The following ABCA13 variants were observed in gnomAD, a reference collection of about 807,000 sequenced individuals.
ABCA13 encodes ATP-binding cassette sub-family A member 13.
ABCA13 carries 476 observed loss-of-function variants against 478.7 expected under a neutral mutation model. The ratio of observed to expected loss-of-function variants is 0.99; its 90% confidence interval spans 0.92 to 1.07. The LOEUF (loss-of-function observed/expected upper bound fraction) is 1.07, where lower values mean the gene tolerates loss of function less well. ABCA13 is among the 50% of genes least tolerant of loss of function. The probability of loss-of-function intolerance (pLI) is 0.00; values close to 1 mark genes in which losing one functional copy is unlikely to be tolerated. For synonymous variants in ABCA13, 2,252 were observed against 2,158.9 expected (o/e 1.04, Z -1.20); for missense variants, 6,060 against 5,910.6 (o/e 1.03, Z -0.83).
intron 24 of ABCA13, 93 bp from the exon 25 acceptor site, chr7:48,312,974 A>G: frequency 7.5e-7 from 1 of 1,326,426 alleles, no homozygotes; most frequent in Non-Finnish European, 1.0e-6. Flanking sequence ...ATAAAATCAG[A>G]TAAACAAGTT....
chr7:48,618,185 C>T (rs1792782145), intron 59 of ABCA13, among the ~76,000 whole-genome samples: 1 of 152,120 alleles, frequency 6.6e-6, no homozygotes, highest in South Asian at 2.1e-4. Context: ...TCTTTCCTTC[C>T]CACCCTCTGT....
chr7:48,582,526 C>T (rs1351827719), intron 56 of ABCA13, among the ~76,000 whole-genome samples: 1 of 152,126 alleles, frequency 6.6e-6, no homozygotes, highest in African/African-American at 2.4e-5. Context: ...TTGTTTTCTT[C>T]AGGCTGCCAT....
chr7:48,642,027 T>C (rs1795132350), intron 59 of ABCA13, among the ~76,000 whole-genome samples: 1 of 152,228 alleles, frequency 6.6e-6, no homozygotes, highest in Non-Finnish European at 1.5e-5. Flanking sequence ...CATGTCCGTA[T>C]GCTTTTATGT....
intron 31 of ABCA13, 63 bp from the exon 32 acceptor site, chr7:48,367,731 T>C: frequency 7.7e-7 from 1 of 1,293,142 alleles, no homozygotes; most frequent in Non-Finnish European, 1.1e-6. Context: ...GGAAGAAAAA[T>C]GTAAAAAATT....
At chr7:48,231,240 A>G (rs1053399909) in intron 7 of ABCA13, among the ~76,000 whole-genome samples, 2 of 152,192 alleles carry the variant, frequency 1.3e-5, no homozygotes, top group Non-Finnish European at 2.9e-5. Flanking sequence ...TATGTCAATA[A>G]TAAAAAACAA....
chr7:48,452,144 T>G (rs1246503748), intron 42 of ABCA13, among the ~76,000 whole-genome samples: 1 of 152,226 alleles, frequency 6.6e-6, no homozygotes, highest in Non-Finnish European at 1.5e-5. Context: ...AGAAACATCT[T>G]TCCCCACAGA....
chr7:48,281,259 T>C lies in ABCA13; in HGVS notation c.8727-84T>C. 4 of 1,125,144 alleles carry C rather than the reference T, an allele frequency of 3.6e-6. No homozygotes were observed. In the South Asian group the frequency reaches 4.0e-5, roughly 11 times the overall value. 69.7% of individuals were successfully genotyped at this position (1,125,144 alleles called of 1,614,324 possible). On this transcript the variant is annotated intron_variant, in intron 18 of 61. Transcript: ENST00000435803. ...AGGGAGGATGGTTCTTACATGTGTGTTATAACTTAACCTACACAGTAGAGA... is the reference window on the plus strand; with the variant it reads ...AGGGAGGATGGTTCTTACATGTGTGCTATAACTTAACCTACACAGTAGAGA...
chr7:48,204,215 A>ATT (rs1185744775), intron 3 of ABCA13, among the ~76,000 whole-genome samples: 13 of 134,186 alleles, frequency 9.7e-5, no homozygotes, highest in South Asian at 2.4e-4. Context: ...TAGACTTATA[A>ATT]TTTTTTTTTT....
At chr7:48,357,914 C>T (rs181860752) in intron 31 of ABCA13, among the ~76,000 whole-genome samples, 3,559 of 151,586 alleles carry the variant, frequency 0.023, 192 homozygotes, top group African/African-American at 0.081. Context: ...GAGGCCGAGG[C>T]GGGCAGATCA....
At chr7:48,295,413 G>A (rs1482015235) in intron 20 of ABCA13, among the ~76,000 whole-genome samples, 1 of 152,196 alleles carries the variant, frequency 6.6e-6, no homozygotes, top group Non-Finnish European at 1.5e-5. Context: ...TGTGTTCCTA[G>A]GAACAGAGCT....
intron 29 of ABCA13, among the ~76,000 whole-genome samples, chr7:48,350,137 C>T (rs775475911): frequency 6.6e-6 from 1 of 152,242 alleles, no homozygotes; most frequent in Non-Finnish European, 1.5e-5. Context: ...ACAAAGACTA[C>T]ACAAGGATTT....
At chr7:48,286,948 G>T (rs1330504240) in intron 19 of ABCA13, among the ~76,000 whole-genome samples, 2 of 152,240 alleles carry the variant, frequency 1.3e-5, no homozygotes, top group East Asian at 3.9e-4. Context: ...CATCTAGGAG[G>T]TACAAAGCCC....
intron 31 of ABCA13, among the ~76,000 whole-genome samples, chr7:48,356,387 CTTT>C (rs56950269): frequency 7.2e-6 from 1 of 138,562 alleles, no homozygotes; most frequent in African/African-American, 2.7e-5. Context: ...TGGAAGAAGT[CTTT>C]TTTTTTTTTT....
intron 59 of ABCA13, among the ~76,000 whole-genome samples, chr7:48,635,961 T>G (rs1030082513): frequency 6.6e-6 from 1 of 152,222 alleles, no homozygotes; most frequent in African/African-American, 2.4e-5. Flanking sequence ...CTCCTCATAC[T>G]GTCCTGATGG....
chr7:48,385,499 A>G (rs888540938), intron 35 of ABCA13, among the ~76,000 whole-genome samples: 40 of 152,262 alleles, frequency 2.6e-4, no homozygotes, highest in African/African-American at 9.6e-4. Flanking sequence ...ATTCCTTTTT[A>G]TGGCTGCATA....
intron 55 of ABCA13, among the ~76,000 whole-genome samples, chr7:48,573,913 ATCT>A (rs1787915291): frequency 6.6e-6 from 1 of 151,984 alleles, no homozygotes; most frequent in South Asian, 2.1e-4. Flanking sequence ...ATAAAGGACC[ATCT>A]TCTCTCTGTG....
chr7:48,641,970 C>T (rs971065918), intron 59 of ABCA13, among the ~76,000 whole-genome samples: 3 of 152,154 alleles, frequency 2.0e-5, no homozygotes, highest in Non-Finnish European at 4.4e-5. Context: ...AATGTGTTGG[C>T]CTTTAACAAT....
chr7:48,335,840 C>A (rs1403380026), intron 28 of ABCA13, among the ~76,000 whole-genome samples: 1 of 152,086 alleles, frequency 6.6e-6, no homozygotes, highest in Non-Finnish European at 1.5e-5. Context: ...CAGGTCTATT[C>A]AACAATCAAT....
At chr7:48,614,484 T>G (rs1792348624) in intron 58 of ABCA13, among the ~76,000 whole-genome samples, 1 of 151,194 alleles carries the variant, frequency 6.6e-6, no homozygotes, top group Non-Finnish European at 1.5e-5. Flanking sequence ...TAGCGATTCT[T>G]CAGGGATCTA....
Sources: gnomAD v4.1 joint callset for allele counts (sites outside exome capture counted in the v4.1 genomes callset) on GRCh38, gnomAD v4.1.1 for gene constraint, MANE v1.5 for transcripts, NCBI Gene and HGNC (gene_info 2026-07-23, HGNC 2026-07-21) for gene names.